KCNJ16: variants seen among roughly 807,000 people sequenced by gnomAD.
KCNJ16 encodes the protein potassium inwardly rectifying channel subfamily J member 16.
In KCNJ16, 15 loss-of-function variants were observed where a neutral mutation model predicts 18.5. That is an observed-to-expected ratio of 0.81 (90% CI 0.54 to 1.25). The LOEUF (loss-of-function observed/expected upper bound fraction) is 1.25, where lower values mean the gene tolerates loss of function less well. Among genes scored for constraint, KCNJ16 ranks in the 50% most tolerant of loss-of-function variants. The pLI is 0.00. For missense variants in KCNJ16, 523 were observed against 525.7 expected (o/e 0.99, Z 0.05); for synonymous variants, 174 against 186.5 (o/e 0.93, Z 0.55).
At chr17:70,125,217 C>T (rs1598175804) in intron 2 of KCNJ16, among the ~76,000 whole-genome samples, 1 of 151,486 alleles carries the variant, frequency 6.6e-6, no homozygotes, top group Non-Finnish European at 1.5e-5. Context: ...CTGCAGTGAG[C>T]TCGGATCATG....
chr17:70,104,198 T>C (rs984851442), intron 2 of KCNJ16, among the ~76,000 whole-genome samples: 11 of 152,104 alleles, frequency 7.2e-5, no homozygotes, highest in Admixed American at 7.2e-4. Flanking sequence ...ACTTCTGAGC[T>C]GAAACCATCC....
chr17:70,083,742 A>G (rs1310776798), intron 1 of KCNJ16, among the ~76,000 whole-genome samples: 1 of 152,288 alleles, frequency 6.6e-6, no homozygotes, highest in South Asian at 2.1e-4. Context: ...CTGTATATAT[A>G]TCATAAAAAT....
intron 2 of KCNJ16, among the ~76,000 whole-genome samples, chr17:70,106,858 T>C (rs946107964): frequency 2.6e-4 from 39 of 152,214 alleles, no homozygotes; most frequent in African/African-American, 9.4e-4. Flanking sequence ...AGACATTCTT[T>C]TGTGCGTGCA....
chr17:70,084,244 A>C (rs905006553), intron 1 of KCNJ16, among the ~76,000 whole-genome samples: 1 of 152,220 alleles, frequency 6.6e-6, no homozygotes, highest in Admixed American at 6.5e-5. Flanking sequence ...TGGAATTCTG[A>C]GACACGTAGT....
chr17:70,131,330 A>ATT, intron 3 of KCNJ16: 1 of 1,072,416 alleles, frequency 9.3e-7, no homozygotes, highest in Non-Finnish European at 1.1e-6. Flanking sequence ...AGAAAGATGC[A>ATT]TTTTTTTTTC....
rs776702298 is a variant in KCNJ16 at position 70,133,181 on chromosome 17, C to A, written c.1094C>A (p.Ser365Ter). The A allele has an allele frequency of 6.8e-6, 11 of 1,614,166 alleles. No individual in the cohort carries two copies. In the South Asian group the frequency reaches 1.2e-4, roughly 18 times the overall value. ...KAPPVRESCTSDTKARRRSFS... is the reference protein window; with the variant it reads ...KAPPVRESCT ...CCACCAGTTCGAGAATCCTGCACGT[C>A]GGACACCAAGGCGAGACGAAGGTCA... The change falls in exon 4 of 4, where the codon TCG (serine) becomes TAG (stop). Residue 365 changes from serine (S) to a stop codon, truncating the protein, a stop_gained. Transcript: ENST00000392671. LOFTEE classifies it low-confidence loss of function (END_TRUNC).
chr17:70,080,545 T>C (rs1327263252), intron 1 of KCNJ16, among the ~76,000 whole-genome samples: 2 of 152,232 alleles, frequency 1.3e-5, no homozygotes, highest in South Asian at 2.1e-4. Flanking sequence ...GGGGTAGTAA[T>C]AGGGGTAATG....
intron 1 of KCNJ16, among the ~76,000 whole-genome samples, chr17:70,091,198 G>A (rs1228402841): frequency 2.0e-5 from 3 of 152,140 alleles, no homozygotes; most frequent in African/African-American, 7.2e-5. Flanking sequence ...ACTCACTCAT[G>A]CTGTCTACTT....
rs532633246 is a variant in KCNJ16, at chr17:70,135,608, A to C, written c.*2264A>C. On this transcript the variant is annotated 3_prime_UTR_variant, in exon 4 of 4. Coordinates refer to ENST00000392671, the MANE Select transcript of KCNJ16 (RefSeq NM_170741.4). ...ATAAAGATCTTAAAATAATGCAAAA[A>C]CTGTGTGCATATACCTATATTTTCA... 2 of 163,618 alleles carry C rather than the reference A, an allele frequency of 1.2e-5. No individual in the cohort carries two copies. The highest frequency in any genetic ancestry group is 4.1e-4 in the South Asian group (2 of 4,826). 10.1% of individuals were successfully genotyped at this position (163,618 alleles called of 1,614,324 possible). A position where few individuals can be genotyped will look rare whatever the true frequency, so the allele number is the denominator to read the frequency against.
At chr17:70,107,169 A>AT (rs1872577340) in intron 2 of KCNJ16, among the ~76,000 whole-genome samples, 1 of 152,356 alleles carries the variant, frequency 6.6e-6, no homozygotes, top group Middle Eastern at 3.4e-3. Context: ...CAGAGGTAAA[A>AT]TAACTGCTCT....
Position 70,129,271 on chromosome 17 carries a change from G to A in KCNJ16, c.-190-1608G>A, listed in dbSNP as rs1481773372. On this transcript the variant is annotated intron_variant, in intron 2 of 3. Transcript: ENST00000392671. ...ACGAAAGCATCGAAGCACTTTTAAG[G>A]CTGAGTTTTAATCCTAAGAAACACA... Among the ~76,000 whole-genome samples, 4 of 152,198 alleles carry A rather than the reference G, an allele frequency of 2.6e-5. No individual in the cohort carries two copies. In the East Asian group the frequency reaches 5.8e-4, roughly 22 times the overall value.
At chr17:70,076,678 G>C (rs529320709) in intron 1 of KCNJ16, among the ~76,000 whole-genome samples, 28 of 152,234 alleles carry the variant, frequency 1.8e-4, no homozygotes, top group Middle Eastern at 3.4e-3. Context: ...GAGAGAACAA[G>C]AGTCTTCAAG....
intron 2 of KCNJ16, among the ~76,000 whole-genome samples, chr17:70,111,737 C>T (rs772315336): frequency 3.9e-5 from 6 of 151,934 alleles, no homozygotes; most frequent in Non-Finnish European, 8.8e-5. Context: ...CCATACTGTT[C>T]CCATGGTAGT....
chr17:70,098,158 A>G (rs2072464995), intron 1 of KCNJ16, among the ~76,000 whole-genome samples: 1 of 152,164 alleles, frequency 6.6e-6, no homozygotes, highest in African/African-American at 2.4e-5. Flanking sequence ...TTTTCCTAGT[A>G]ACTCTCATTC....
intron 1 of KCNJ16, among the ~76,000 whole-genome samples, chr17:70,090,729 C>T (rs2072047812): frequency 6.8e-6 from 1 of 147,618 alleles, no homozygotes; most frequent in Non-Finnish European, 1.5e-5. Context: ...AACCCACTCA[C>T]AATATGGCTA....
At position 70,106,132 on chromosome 17, in the gene KCNJ16, T is replaced by A. The variant is rs534876897; in HGVS notation, c.-191+5366T>A. Among the ~76,000 whole-genome samples the A allele has an allele frequency of 2.6e-5, 4 of 152,212 alleles. No homozygotes were observed. The East Asian group carries it at 7.7e-4, about 29-fold the overall frequency. ...AAACAGGTCAGCTAAAATTAAGAAG[T>A]CAATGCAAGGAGTAAAGGCACAGAT... On this transcript the variant is annotated intron_variant, in intron 2 of 3. Coordinates refer to ENST00000392671, the MANE Select transcript of KCNJ16 (RefSeq NM_170741.4).
At chr17:70,094,129 A>G (rs186670288) in intron 1 of KCNJ16, among the ~76,000 whole-genome samples, 65 of 152,304 alleles carry the variant, frequency 4.3e-4, no homozygotes, top group African/African-American at 1.4e-3. Context: ...CTTGTGCCCC[A>G]GACAGCCCTG....
chr17:70,087,621 C>T (rs995412752), intron 1 of KCNJ16, among the ~76,000 whole-genome samples: 11 of 151,986 alleles, frequency 7.2e-5, no homozygotes, highest in African/African-American at 2.2e-4. Flanking sequence ...ACAGGAGAAT[C>T]GCTTGAACCC....
At chr17:70,102,385 G>A (rs1290907442) in intron 2 of KCNJ16, among the ~76,000 whole-genome samples, 4 of 151,314 alleles carry the variant, frequency 2.6e-5, no homozygotes, top group Admixed American at 1.3e-4. Flanking sequence ...GCGCCACCAC[G>A]CCTGGCTAAT....
Sources: gnomAD v4.1 joint callset for allele counts (sites outside exome capture counted in the v4.1 genomes callset) on GRCh38, gnomAD v4.1.1 for gene constraint, MANE v1.5 for transcripts, NCBI Gene and HGNC (gene_info 2026-07-23, HGNC 2026-07-21) for gene names.